Variants in KIAA1549L observed in about 807,000 individuals in gnomAD.
KIAA1549L encodes the protein UPF0606 protein KIAA1549L.
KIAA1549L carries 88 observed loss-of-function variants against 160.7 expected under a neutral mutation model. The observed-to-expected ratio is 0.55, with a 90% CI of 0.46 to 0.65. The LOEUF (loss-of-function observed/expected upper bound fraction) is 0.65, where lower values mean the gene tolerates loss of function less well. Ranked by LOEUF, KIAA1549L falls within the 30% of genes least tolerant of loss-of-function variation. The probability of loss-of-function intolerance (pLI) is 0.00; values close to 1 mark genes in which losing one functional copy is unlikely to be tolerated. For missense variants in KIAA1549L, 2,258 were observed against 2,437.5 expected, an observed-to-expected ratio of 0.93 and a Z score of 1.55; for synonymous variants, 950 against 976.7, an observed-to-expected ratio of 0.97 and a Z score of 0.51.
At chr11:33,553,854 GTGT>G (rs1565183543) in intron 6 of KIAA1549L, among the ~76,000 whole-genome samples, 1 of 152,306 alleles carries the variant, frequency 6.6e-6, no homozygotes, top group African/African-American at 2.4e-5. Flanking sequence ...AAGCCTCCTT[GTGT>G]TGTTGTATGG....
intron 13 of KIAA1549L, 135 bp downstream of exon 13, chr11:33,599,082 C>A: frequency 1.9e-6 from 2 of 1,029,296 alleles, no homozygotes; most frequent in Non-Finnish European, 2.8e-6. Context: ...TATTCTGCCC[C>A]ACAAGGGCCA....
intron 1 of KIAA1549L, among the ~76,000 whole-genome samples, chr11:33,519,428 G>A (rs1853428944): frequency 6.6e-6 from 1 of 152,132 alleles, no homozygotes; most frequent in Admixed American, 6.5e-5. Flanking sequence ...GCTACAAGAA[G>A]CATTTGATTT....
At chr11:33,434,014 C>T (rs1043164565) in intron 1 of KIAA1549L, among the ~76,000 whole-genome samples, 4 of 151,724 alleles carry the variant, frequency 2.6e-5, no homozygotes, top group Admixed American at 2.6e-4. Flanking sequence ...ACATGTATAC[C>T]CATGTAACCT....
At chr11:33,575,726 G>A (rs542211298) in intron 10 of KIAA1549L, among the ~76,000 whole-genome samples, 4 of 152,202 alleles carry the variant, frequency 2.6e-5, no homozygotes, top group Non-Finnish European at 5.9e-5. Flanking sequence ...AGGGCAGCAT[G>A]AGCGAAAGAA....
intron 13 of KIAA1549L, among the ~76,000 whole-genome samples, chr11:33,599,870 A>G (rs1850308456): frequency 1.3e-5 from 2 of 152,246 alleles, no homozygotes; most frequent in South Asian, 2.1e-4. Flanking sequence ...CAGAAATGCC[A>G]GGTGAAAAGC....
intron 1 of KIAA1549L, among the ~76,000 whole-genome samples, chr11:33,518,201 G>T (rs1853398936): frequency 7.3e-6 from 1 of 137,786 alleles, no homozygotes; most frequent in South Asian, 2.3e-4. Context: ...TCTTGGGCAA[G>T]ATTAATCTAT....
intron 1 of KIAA1549L, among the ~76,000 whole-genome samples, chr11:33,470,027 T>C (rs1189906916): frequency 6.6e-6 from 1 of 152,226 alleles, no homozygotes; most frequent in Non-Finnish European, 1.5e-5. Context: ...TGAAGTTCAA[T>C]TTATCTATTT....
At position 33,633,139 on chromosome 11, in the gene KIAA1549L, C is replaced by CTTTTTT. The variant is rs56310347; in HGVS notation, c.5410-12521_5410-12516dup. ...GACAGGTGCCCACCACCATGCCCAG[C>CTTTTTT]TTTTTTTTTTTTTTTTTTTTTTTTT... is the stretch of plus-strand genomic sequence containing the variant. On this transcript the variant is annotated intron_variant, in intron 16 of 20. Coordinates refer to ENST00000658780, the MANE Select transcript of KIAA1549L (RefSeq NM_012194.3). Among the ~76,000 whole-genome samples the CTTTTTT allele has an allele frequency of 5.0e-3, 256 of 50,730 alleles. 6 individuals are homozygous for CTTTTTT. Among genetic ancestry groups the CTTTTTT allele is most frequent in the African/African-American group, 0.017 (201 of 11,772 alleles). 33.3% of individuals were successfully genotyped at this position (50,730 alleles called of 152,430 possible).
intron 1 of KIAA1549L, among the ~76,000 whole-genome samples, chr11:33,491,833 C>T (rs1852670271): frequency 6.6e-6 from 1 of 152,168 alleles, no homozygotes; most frequent in Non-Finnish European, 1.5e-5. Flanking sequence ...TGACAAACCA[C>T]TACTGGGACA....
chr11:33,533,495 AT>A (rs1853824142), intron 1 of KIAA1549L, among the ~76,000 whole-genome samples: 1 of 152,224 alleles, frequency 6.6e-6, no homozygotes. Flanking sequence ...TTTAACATTC[AT>A]GGGATTCTAT....
chr11:33,627,209 T>TA (rs1473306660), intron 16 of KIAA1549L, among the ~76,000 whole-genome samples: 87 of 138,150 alleles, frequency 6.3e-4, no homozygotes, highest in Admixed American at 1.6e-3. Context: ...GATATTGGTC[T>TA]AAAATTCTCT....
intron 16 of KIAA1549L, among the ~76,000 whole-genome samples, chr11:33,630,527 G>A (rs142209428): frequency 0.023 from 3,500 of 152,350 alleles, 142 homozygotes; most frequent in African/African-American, 0.074. Context: ...TATTCGGGTG[G>A]GAGTGACCCG....
At chr11:33,440,382 G>A (rs1851476763) in intron 1 of KIAA1549L, among the ~76,000 whole-genome samples, 1 of 151,526 alleles carries the variant, frequency 6.6e-6, no homozygotes, top group African/African-American at 2.4e-5. Flanking sequence ...CGCCCGCCTC[G>A]GCCTCCCAAA....
chr11:33,485,607 T>C (rs1017443452), intron 1 of KIAA1549L, among the ~76,000 whole-genome samples: 2 of 152,226 alleles, frequency 1.3e-5, no homozygotes, highest in Non-Finnish European at 2.9e-5. Flanking sequence ...CTAATTAACA[T>C]ATCAGTTACC....
chr11:33,593,396 G>T (rs537925933), intron 12 of KIAA1549L, among the ~76,000 whole-genome samples: 1 of 152,314 alleles, frequency 6.6e-6, no homozygotes, highest in South Asian at 2.1e-4. Context: ...CTGTGATTGT[G>T]CCACTGCACT....
At chr11:33,595,686 C>T (rs1453162480) in intron 12 of KIAA1549L, among the ~76,000 whole-genome samples, 1 of 152,098 alleles carries the variant, frequency 6.6e-6, no homozygotes, top group Non-Finnish European at 1.5e-5. Flanking sequence ...CAAGAGAAAA[C>T]CCGTTATGAA....
At chr11:33,435,818 G>GTTTATATATA (rs1554976830) in intron 1 of KIAA1549L, among the ~76,000 whole-genome samples, 1 of 45,308 alleles carries the variant, frequency 2.2e-5, no homozygotes. Context: ...ATATGTGTGT[G>GTTTATATATA]TATATATATA....
chr11:33,607,879 T>TA (rs1405881732), intron 14 of KIAA1549L, among the ~76,000 whole-genome samples: 6 of 152,112 alleles, frequency 3.9e-5, no homozygotes, highest in South Asian at 2.1e-4. Context: ...TTCATTGATT[T>TA]AAAAAAAATA....
chr11:33,540,698 C>T (rs757328106), intron 1 of KIAA1549L, among the ~76,000 whole-genome samples: 2 of 152,172 alleles, frequency 1.3e-5, no homozygotes, highest in Non-Finnish European at 1.5e-5. Context: ...TGTCTTGGAG[C>T]TATATATGCA....
Sources: allele counts gnomAD v4.1 joint callset (sites outside exome capture counted in the v4.1 genomes callset), GRCh38; gene constraint gnomAD v4.1.1; transcripts MANE v1.5; gene names NCBI Gene and HGNC (gene_info 2026-07-23, HGNC 2026-07-21).